NEK1: variants seen among roughly 807,000 people sequenced by gnomAD.
NEK1 encodes serine/threonine-protein kinase Nek1.
Under a neutral mutation model 182.1 loss-of-function variants are expected in NEK1, and 137 were observed. That is an observed-to-expected ratio of 0.75 (90% confidence interval 0.65 to 0.87). The LOEUF is 0.87. Among genes scored for constraint, NEK1 ranks in the 40% least tolerant of loss-of-function variants. The pLI is 0.00. For missense variants in NEK1, 1,391 were observed against 1,494.4 expected (o/e 0.93, Z 1.14); for synonymous variants, 513 against 492.2 (o/e 1.04, Z -0.56).
intron 31 of NEK1, among the ~76,000 whole-genome samples, chr4:169,415,892 A>C (rs1363687321): frequency 6.6e-6 from 1 of 152,234 alleles, no homozygotes; most frequent in Non-Finnish European, 1.5e-5. Flanking sequence ...GCATATTCCC[A>C]GAATTCTAGG....
chr4:169,429,485 T>C (rs1007087821), intron 29 of NEK1, among the ~76,000 whole-genome samples: 5 of 152,198 alleles, frequency 3.3e-5, no homozygotes, highest in Non-Finnish European at 5.9e-5. Flanking sequence ...CAAAGAACCA[T>C]AGTCCCAATC....
chr4:169,437,318 C>A (rs1401284228), intron 28 of NEK1, among the ~76,000 whole-genome samples: 1 of 152,030 alleles, frequency 6.6e-6, no homozygotes, highest in African/African-American at 2.4e-5. Flanking sequence ...ACTTTGTTAT[C>A]ATATTAAACT....
intron 23 of NEK1, among the ~76,000 whole-genome samples, chr4:169,495,994 A>G (rs1476765102): frequency 2.0e-5 from 3 of 152,194 alleles, no homozygotes; most frequent in African/African-American, 4.8e-5. Context: ...TACCTTGGGA[A>G]GTAGGGCCAT....
chr4:169,480,510 T>TAAAAAAA (rs58933123), intron 23 of NEK1, among the ~76,000 whole-genome samples: 18 of 100,270 alleles, frequency 1.8e-4, no homozygotes, highest in African/African-American at 5.9e-4. Context: ...ACCTCATTCC[T>TAAAAAAA]AAAAAAAAAA....
At chr4:169,543,554 T>C (rs1273886142) in intron 18 of NEK1, among the ~76,000 whole-genome samples, 2 of 152,196 alleles carry the variant, frequency 1.3e-5, no homozygotes, top group South Asian at 2.1e-4. Context: ...GGGATAGCAT[T>C]GAATCTATAA....
intron 18 of NEK1, chr4:169,554,883 T>C (rs1358407254): frequency 2.0e-5 from 3 of 152,058 alleles, no homozygotes; most frequent in South Asian, 2.1e-4. Context: ...AATACAGAGG[T>C]TGTGCATGTG....
intron 19 of NEK1, among the ~76,000 whole-genome samples, chr4:169,513,891 ATACTTG>A (rs1378633947): frequency 6.6e-6 from 1 of 152,124 alleles, no homozygotes; most frequent in Non-Finnish European, 1.5e-5. Context: ...ATACTGTAAA[ATACTTG>A]TACATCTAGA....
intron 18 of NEK1, among the ~76,000 whole-genome samples, chr4:169,544,573 T>G (rs1760036381): frequency 6.7e-6 from 1 of 149,562 alleles, no homozygotes; most frequent in Non-Finnish European, 1.5e-5. Flanking sequence ...TCTGGTAGAA[T>G]TCGGCTGTGA....
chr4:169,395,306 A>G (rs1478166490), intron 35 of NEK1, among the ~76,000 whole-genome samples: 1 of 152,186 alleles, frequency 6.6e-6, no homozygotes, highest in Non-Finnish European at 1.5e-5. Context: ...CTTAACGTGG[A>G]TTACAAAGCC....
At chr4:169,488,699 G>A (rs1020308291) in intron 23 of NEK1, among the ~76,000 whole-genome samples, 3 of 152,086 alleles carry the variant, frequency 2.0e-5, no homozygotes, top group Non-Finnish European at 2.9e-5. Context: ...TAATATTTTA[G>A]GGGGCTTAAT....
At position 169,555,925 on chromosome 4, in the gene NEK1, G is replaced by A; in HGVS notation, c.1430+7C>T. ...GCATAAGCAACTTCTGCAGAACATA[G>A]CCATACCTTTCTGGAAGACCTCGAC... On this transcript the variant is annotated splice_region_variant and intron_variant, in intron 17 of 35. Transcript: ENST00000507142. The A allele has an allele frequency of 6.2e-7, 1 of 1,613,490 alleles. No homozygotes were observed. Among genetic ancestry groups the A allele is most frequent in the South Asian group, 1.1e-5 (1 of 91,022 alleles).
intron 29 of NEK1, among the ~76,000 whole-genome samples, chr4:169,428,371 T>TATATATATATATAA (rs1447545764): frequency 3.5e-5 from 5 of 144,784 alleles, no homozygotes; most frequent in Admixed American, 6.9e-5. Flanking sequence ...TATATATATA[T>TATATATATATATAA]AATGGAATAT....
intron 19 of NEK1, among the ~76,000 whole-genome samples, chr4:169,529,887 ACT>A (rs1343965509): frequency 1.3e-5 from 2 of 152,172 alleles, no homozygotes; most frequent in African/African-American, 4.8e-5. Context: ...CTAAAATAAC[ACT>A]GACAACAAAT....
At chr4:169,488,155 T>C (rs1436107275) in intron 23 of NEK1, among the ~76,000 whole-genome samples, 1 of 152,218 alleles carries the variant, frequency 6.6e-6, no homozygotes, top group African/African-American at 2.4e-5. Flanking sequence ...TTTCTTTTGC[T>C]GTGCAAAAGC....
chr4:169,431,991 G>A lies in NEK1; in HGVS notation c.2885+1554C>T, dbSNP rs149464053. The stretch of plus-strand genomic sequence containing the variant: ...CAGAGAAAAAATAGTTGCAATTCAT[G>A]TAACCACCAGGGCAAATATCTCTCA... On this transcript the variant is annotated intron_variant, in intron 29 of 35. Transcript: ENST00000507142. Among the ~76,000 whole-genome samples the A allele has an allele frequency of 3.1e-3, 473 of 151,104 alleles. 4 individuals carry two copies. The highest frequency in any genetic ancestry group is 0.023 in the East Asian group (120 of 5,156).
At chr4:169,439,989 G>A (rs2149431553) in intron 27 of NEK1, among the ~76,000 whole-genome samples, 1 of 151,584 alleles carries the variant, frequency 6.6e-6, no homozygotes, top group East Asian at 1.9e-4. Context: ...TGGGATTACA[G>A]GCGCACGGCA....
At chr4:169,468,285 G>A (rs1344290214) in intron 26 of NEK1, among the ~76,000 whole-genome samples, 1 of 150,556 alleles carries the variant, frequency 6.6e-6, no homozygotes, top group Non-Finnish European at 1.5e-5. Flanking sequence ...TTAATCTAAG[G>A]TAGAAAAAAA....
In NEK1 at chr4:169,577,413, T is replaced by A. The variant is rs921671791; in HGVS notation, c.869-334A>T. On this transcript the variant is annotated intron_variant, in intron 11 of 35. Transcript: ENST00000507142. ...TTAATCATGAATATACTAAAAAAAA[T>A]TTAATTGTAGACACCAAATGTATAA... Among the ~76,000 whole-genome samples, 7 of 152,198 alleles carry A rather than the reference T, an allele frequency of 4.6e-5. No individual in the cohort carries two copies. The East Asian group carries it at 1.2e-3, about 25-fold the overall frequency.
At chr4:169,404,798 T>A (rs1473614745) in intron 32 of NEK1, among the ~76,000 whole-genome samples, 1 of 152,180 alleles carries the variant, frequency 6.6e-6, no homozygotes, top group Non-Finnish European at 1.5e-5. Flanking sequence ...TTTTTAATTT[T>A]ACTTTAAGTT....
Sources: allele counts gnomAD v4.1 joint callset (sites outside exome capture counted in the v4.1 genomes callset), GRCh38; gene constraint gnomAD v4.1.1; transcripts MANE v1.5; gene names NCBI Gene and HGNC (gene_info 2026-07-23, HGNC 2026-07-21).